CEP63: variants seen among roughly 807,000 people sequenced by gnomAD.
The protein encoded by CEP63 is centrosomal protein 63, also known as centrosomal protein of 63 kDa.
Under a neutral mutation model 89.1 loss-of-function variants are expected in CEP63, and 84 were observed. The observed-to-expected ratio is 0.94, with a 90% CI of 0.79 to 1.13. CEP63 has a LOEUF of 1.13. Ranked by LOEUF, CEP63 falls within the 50% of genes most tolerant of loss-of-function variation. CEP63 has a pLI of 0.00. For missense variants in CEP63, 838 were observed against 813.3 expected, an observed-to-expected ratio of 1.03 and a Z score of -0.37; for synonymous variants, 267 against 272.5, an observed-to-expected ratio of 0.98 and a Z score of 0.20.
At chr3:134,608,298 C>T in the CEP63 span, 361 of 1,224,656 alleles carry the variant, frequency 2.9e-4, no homozygotes, top group Admixed American at 7.6e-4. Flanking sequence ...GAGAGACTCA[C>T]CCAGCTAGGA....
At chr3:134,579,586 G>C (rs1397686717), downstream of CEP63, among the ~76,000 whole-genome samples, 1 of 152,132 alleles carries the variant, frequency 6.6e-6, no homozygotes, top group African/African-American at 2.4e-5. Context: ...GTTTTCTTTG[G>C]TGAAATGTAC....
rs749406658 is a variant in CEP63 at position 134,550,267 on chromosome 3, C to A, written c.1380+7C>A. 3.1e-6 allele frequency: 5 copies of A among 1,612,962 alleles called. No individual in the cohort carries two copies. The highest frequency in any genetic ancestry group is 4.2e-6 in the Non-Finnish European group (5 of 1,179,202). On this transcript the variant is annotated splice_region_variant and intron_variant, in intron 11 of 14. Coordinates refer to ENST00000675561, the MANE Select transcript of CEP63 (RefSeq NM_001353108.3). ...CAAAGCAGTAGAGCATAAGGTGAAG[C>A]CTGAACAAAACCTTTTTTAAATTTG...
chr3:134,693,450 A>C, the CEP63 span, among the ~76,000 whole-genome samples: 1 of 152,072 alleles, frequency 6.6e-6, no homozygotes, highest in East Asian at 1.9e-4. Flanking sequence ...TAAGCAAAAA[A>C]AAGAAAAGTA....
downstream of CEP63, among the ~76,000 whole-genome samples, chr3:134,578,506 T>C (rs1338410756): frequency 6.6e-6 from 1 of 152,050 alleles, no homozygotes; most frequent in Non-Finnish European, 1.5e-5. Context: ...AATTTTTGTA[T>C]TTTTGTAGAG....
the CEP63 span, chr3:134,607,447 G>A: frequency 1.0e-6 from 1 of 985,672 alleles, no homozygotes; most frequent in Non-Finnish European, 1.2e-6. Context: ...CTAATAGTCA[G>A]TGTGAGCTCA....
chr3:134,603,507 G>A, the CEP63 span: 3 of 1,391,812 alleles, frequency 2.2e-6, no homozygotes, highest in South Asian at 4.2e-5. Context: ...AGGGCTCCCT[G>A]CACTTCCTTC....
chr3:134,650,946 C>G, the CEP63 span: 1 of 1,613,310 alleles, frequency 6.2e-7, no homozygotes, highest in Non-Finnish European at 8.5e-7. Flanking sequence ...CGTTGATGTC[C>G]TTCTTCAGCT....
At chr3:134,740,916 A>G in the CEP63 span, among the ~76,000 whole-genome samples, 13 of 151,582 alleles carry the variant, frequency 8.6e-5, no homozygotes, top group African/African-American at 1.5e-4. Flanking sequence ...CTTCCATCAC[A>G]TTTTGCTCCT....
the CEP63 span, chr3:134,612,967 A>G: frequency 1.3e-5 from 2 of 153,040 alleles, no homozygotes; most frequent in Non-Finnish European, 1.5e-5. Context: ...AGAATTGGAA[A>G]AAAAGCCATA....
the CEP63 span, among the ~76,000 whole-genome samples, chr3:134,767,328 T>C: frequency 6.6e-6 from 1 of 152,226 alleles, no homozygotes; most frequent in Non-Finnish European, 1.5e-5. Context: ...GGAGGCTGAA[T>C]TACCTTCCCC....
chr3:134,605,800 T>C, the CEP63 span, among the ~76,000 whole-genome samples: 18 of 152,088 alleles, frequency 1.2e-4, no homozygotes, highest in Admixed American at 1.2e-3. Context: ...GCTGCTGGCC[T>C]CCACGCCTTC....
At chr3:134,670,177 C>G in the CEP63 span, among the ~76,000 whole-genome samples, 1 of 152,100 alleles carries the variant, frequency 6.6e-6, no homozygotes, top group Non-Finnish European at 1.5e-5. Flanking sequence ...ACTATAGCAG[C>G]CTAAATTAAG....
chr3:134,487,003 G>T (rs752020035), intron 1 of CEP63, among the ~76,000 whole-genome samples: 6 of 152,182 alleles, frequency 3.9e-5, no homozygotes, highest in Non-Finnish European at 7.3e-5. Context: ...GAGACAGGTC[G>T]TCTTTTACAG....
chr3:134,630,233 C>G, the CEP63 span, among the ~76,000 whole-genome samples: 1 of 152,072 alleles, frequency 6.6e-6, no homozygotes, highest in South Asian at 2.1e-4. Context: ...GTTGTTTTTC[C>G]CCCACTTTAT....
chr3:134,602,571 C>T, the CEP63 span, among the ~76,000 whole-genome samples: 4 of 152,290 alleles, frequency 2.6e-5, no homozygotes, highest in African/African-American at 7.2e-5. Flanking sequence ...TGAGTCTCCT[C>T]GGCATTGCCG....
chr3:134,510,957 C>A, intron 3 of CEP63: 1 of 164,752 alleles, frequency 6.1e-6, no homozygotes, highest in South Asian at 1.3e-4. Context: ...GGACGTTTAC[C>A]CCTTGTCCAC....
downstream of CEP63, among the ~76,000 whole-genome samples, chr3:134,591,279 T>G (rs987676372): frequency 3.3e-5 from 5 of 152,250 alleles, no homozygotes; most frequent in Admixed American, 3.3e-4. Context: ...GTGACTTGCT[T>G]TATTTCTTCT....
At chr3:134,637,302 T>C in the CEP63 span, among the ~76,000 whole-genome samples, 2 of 152,248 alleles carry the variant, frequency 1.3e-5, no homozygotes, top group African/African-American at 4.8e-5. Context: ...CTTCCCATCA[T>C]CAGTGAGGCA....
chr3:134,574,276 A>T (rs1384554564), intron 11 of CEP63, among the ~76,000 whole-genome samples: 1 of 152,202 alleles, frequency 6.6e-6, no homozygotes, highest in Non-Finnish European at 1.5e-5. Flanking sequence ...GGGAGACCAG[A>T]CAGAGCTCAG....
Sources: gnomAD v4.1 joint callset for allele counts (sites outside exome capture counted in the v4.1 genomes callset) on GRCh38, gnomAD v4.1.1 for gene constraint, MANE v1.5 for transcripts, NCBI Gene and HGNC (gene_info 2026-07-23, HGNC 2026-07-21) for gene names.